The following GPHN variants were observed in gnomAD, a reference collection of about 807,000 sequenced individuals.
The protein encoded by GPHN is gephyrin.
Under a neutral mutation model 95.5 loss-of-function variants are expected in GPHN, and 17 were observed. The ratio of observed to expected loss-of-function variants is 0.18; its 90% CI spans 0.12 to 0.27. GPHN has a LOEUF of 0.27. GPHN is among the 10% of genes least tolerant of loss of function. GPHN has a pLI of 1.00. For synonymous variants in GPHN, 320 were observed against 322.5 expected (o/e 0.99, Z 0.08); for missense variants, 660 against 978.1 (o/e 0.67, Z 4.34).
At chr14:66,979,340 T>C (rs2070493325) in intron 9 of GPHN, among the ~76,000 whole-genome samples, 1 of 152,248 alleles carries the variant, frequency 6.6e-6, no homozygotes, top group Non-Finnish European at 1.5e-5. Flanking sequence ...ATCTGTTGTT[T>C]AGTATAGCTG....
the GPHN span, chr14:67,648,132 G>C: frequency 1.2e-6 from 2 of 1,613,930 alleles, no homozygotes; most frequent in Non-Finnish European, 1.7e-6. Flanking sequence ...TGTTGTCGGG[G>C]GACTAACCTA....
the GPHN span, among the ~76,000 whole-genome samples, chr14:67,321,869 T>C: frequency 6.6e-6 from 1 of 152,276 alleles, no homozygotes; most frequent in East Asian, 1.9e-4. Context: ...GGTAGTACTT[T>C]AATTTGAGTC....
the GPHN span, among the ~76,000 whole-genome samples, chr14:67,695,070 C>T: frequency 1.3e-5 from 2 of 152,190 alleles, no homozygotes; most frequent in African/African-American, 4.8e-5. Context: ...TGCTCCTGCT[C>T]GCAAGGCAGG....
chr14:67,385,967 C>G, the GPHN span: 1 of 152,060 alleles, frequency 6.6e-6, no homozygotes, highest in Non-Finnish European at 1.5e-5. Context: ...TTTAAAAATA[C>G]AAATGCCAGT....
intron 3 of GPHN, among the ~76,000 whole-genome samples, chr14:66,792,411 G>C (rs901388314): frequency 2.0e-5 from 3 of 151,862 alleles, no homozygotes; most frequent in African/African-American, 7.3e-5. Flanking sequence ...TACTCAAGAG[G>C]CTGAGGTGGG....
the GPHN span, among the ~76,000 whole-genome samples, chr14:67,425,499 C>A: frequency 6.6e-6 from 1 of 151,834 alleles, no homozygotes; most frequent in Non-Finnish European, 1.5e-5. Flanking sequence ...GCTGAGATAC[C>A]AGCACTGCAT....
At chr14:67,367,371 C>G in the GPHN span, among the ~76,000 whole-genome samples, 1 of 152,172 alleles carries the variant, frequency 6.6e-6, no homozygotes, top group Non-Finnish European at 1.5e-5. Context: ...GCTGGGATTA[C>G]AGGCACACAC....
At chr14:67,478,239 G>A in the GPHN span, among the ~76,000 whole-genome samples, 672 of 152,318 alleles carry the variant, frequency 4.4e-3, 3 homozygotes, top group Middle Eastern at 0.014. Context: ...ACAAAGCTGA[G>A]CAAGGCTAGC....
At chr14:66,752,526 C>T (rs994754782) in intron 2 of GPHN, among the ~76,000 whole-genome samples, 1 of 151,930 alleles carries the variant, frequency 6.6e-6, no homozygotes. Flanking sequence ...GCCAGCTGGT[C>T]GAGCAGTCAG....
intron 1 of GPHN, among the ~76,000 whole-genome samples, chr14:66,532,413 A>C (rs979135543): frequency 6.6e-6 from 1 of 152,194 alleles, no homozygotes; most frequent in Non-Finnish European, 1.5e-5. Context: ...GAGACAGAGG[A>C]AGCAGAAGAT....
At chr14:67,654,142 C>T in the GPHN span, among the ~76,000 whole-genome samples, 6 of 152,150 alleles carry the variant, frequency 3.9e-5, no homozygotes, top group Non-Finnish European at 8.8e-5. Flanking sequence ...GGTCTCACTC[C>T]GTCACTCAGG....
At chr14:67,225,978 C>T in the GPHN span, among the ~76,000 whole-genome samples, 10 of 135,696 alleles carry the variant, frequency 7.4e-5, no homozygotes, top group Non-Finnish European at 1.3e-4. Context: ...CGCGCGCGTG[C>T]GCATGCGCGT....
intron 4 of GPHN, among the ~76,000 whole-genome samples, chr14:66,831,560 A>G (rs1386258252): frequency 6.6e-6 from 1 of 152,178 alleles, no homozygotes; most frequent in African/African-American, 2.4e-5. Flanking sequence ...GGCATGCAAT[A>G]TGGTATAGTG....
chr14:66,599,392 A>ATTTTATTTTTTTTT (rs2062126307), intron 1 of GPHN, among the ~76,000 whole-genome samples: 5 of 76,524 alleles, frequency 6.5e-5, no homozygotes, highest in African/African-American at 3.6e-4. Flanking sequence ...TTTTTTTTGC[A>ATTTTATTTTTTTTT]TTTTTTTTTT....
At chr14:67,455,941 T>C in the GPHN span, among the ~76,000 whole-genome samples, 10 of 152,124 alleles carry the variant, frequency 6.6e-5, no homozygotes, top group African/African-American at 2.4e-4. Flanking sequence ...TGCAAAGCAA[T>C]TGCAACAATC....
At chr14:67,596,909 TACTGTAATA>T in the GPHN span, among the ~76,000 whole-genome samples, 2 of 152,232 alleles carry the variant, frequency 1.3e-5, no homozygotes, top group African/African-American at 4.8e-5. Context: ...TCTTTTCCCC[TACTGTAATA>T]GTTCCTGAAT....
the GPHN span, among the ~76,000 whole-genome samples, chr14:67,388,005 G>C: frequency 6.6e-6 from 1 of 152,192 alleles, no homozygotes; most frequent in Non-Finnish European, 1.5e-5. Context: ...AAACTGAGGG[G>C]AAAGATTATT....
chr14:67,353,091 C>CA, the GPHN span: 195 of 1,370,898 alleles, frequency 1.4e-4, no homozygotes, highest in South Asian at 3.5e-4. Flanking sequence ...GTTTAAAAGA[C>CA]AAAAAAAACC....
intron 1 of GPHN, among the ~76,000 whole-genome samples, chr14:66,579,293 A>G (rs1473656786): frequency 6.6e-6 from 1 of 151,884 alleles, no homozygotes; most frequent in East Asian, 1.9e-4. Flanking sequence ...GAAAGGAACA[A>G]AAAATCTGCA....
Sources: gnomAD v4.1 joint callset for allele counts (sites outside exome capture counted in the v4.1 genomes callset) on GRCh38, gnomAD v4.1.1 for gene constraint, MANE v1.5 for transcripts, NCBI Gene and HGNC (gene_info 2026-07-23, HGNC 2026-07-21) for gene names.